Variants in SLC39A11 observed in about 807,000 individuals in gnomAD.
SLC39A11 encodes the protein zinc transporter ZIP11.
A neutral mutation model predicts 36.1 loss-of-function variants in SLC39A11; 33 were observed. The ratio of observed to expected loss-of-function variants is 0.91; its 90% CI spans 0.69 to 1.22. The LOEUF is 1.22. Among genes scored for constraint, SLC39A11 ranks in the 50% most tolerant of loss-of-function variants. The probability of loss-of-function intolerance (pLI) is 0.00; values close to 1 mark genes in which losing one functional copy is unlikely to be tolerated. For missense variants in SLC39A11, 432 were observed against 430.3 expected (o/e 1.00, Z -0.03); for synonymous variants, 166 against 170.3 (o/e 0.97, Z 0.20).
intron 4 of SLC39A11, among the ~76,000 whole-genome samples, chr17:72,975,166 C>T (rs1432201256): frequency 1.3e-5 from 2 of 152,016 alleles, no homozygotes; most frequent in African/African-American, 4.8e-5. Context: ...CTAGACCAGG[C>T]GGTGGCTCAC....
intron 5 of SLC39A11, among the ~76,000 whole-genome samples, chr17:72,901,366 G>A (rs547312463): frequency 5.3e-5 from 8 of 152,354 alleles, no homozygotes; most frequent in Admixed American, 1.3e-4. Context: ...AATTAGAGGC[G>A]TGGGTTGTGG....
intron 5 of SLC39A11, among the ~76,000 whole-genome samples, chr17:72,904,004 T>C (rs1327792209): frequency 6.6e-6 from 1 of 152,202 alleles, no homozygotes; most frequent in Non-Finnish European, 1.5e-5. Context: ...TCACTCCACA[T>C]GGGCCAGGCA....
chr17:73,029,211 C>T (rs368198596), intron 4 of SLC39A11, among the ~76,000 whole-genome samples: 133 of 152,052 alleles, frequency 8.7e-4, no homozygotes, highest in African/African-American at 2.7e-3. Flanking sequence ...GACAGCTGAC[C>T]AAATACATCT....
intron 5 of SLC39A11, among the ~76,000 whole-genome samples, chr17:72,858,544 G>C (rs183474143): frequency 6.6e-6 from 1 of 152,214 alleles, no homozygotes; most frequent in African/African-American, 2.4e-5. Context: ...GAATAGCATT[G>C]AATCTGTAAA....
intron 5 of SLC39A11, among the ~76,000 whole-genome samples, chr17:72,928,032 C>T (rs919417025): frequency 2.4e-4 from 36 of 152,138 alleles, no homozygotes; most frequent in African/African-American, 8.7e-4. Flanking sequence ...TCAAATAACA[C>T]TGATTGCTCC....
chr17:72,872,145 G>A (rs889091639), intron 5 of SLC39A11, among the ~76,000 whole-genome samples: 1 of 152,220 alleles, frequency 6.6e-6, no homozygotes, highest in Non-Finnish European at 1.5e-5. Context: ...CTGTCCCAGT[G>A]CCTGGGGAGG....
In SLC39A11 at chr17:72,825,708, G is replaced by T. The variant is rs141392025; in HGVS notation, c.601+23926C>A. Among the ~76,000 whole-genome samples, 99 of 152,382 alleles carry T rather than the reference G, an allele frequency of 6.5e-4. No homozygotes were observed. In the East Asian group the frequency reaches 0.017, roughly 26 times the overall value. On this transcript the variant is annotated intron_variant, in intron 6 of 9. Transcript: ENST00000255559. ...CCCTGGGATTCCACCCCTTGCATCA[G>T]TGTGGACTGGATGTGAGACATGGAG... is the stretch of plus-strand genomic sequence containing the variant.
chr17:72,910,159 A>G (rs1386680056), intron 5 of SLC39A11, among the ~76,000 whole-genome samples: 2 of 152,096 alleles, frequency 1.3e-5, no homozygotes, highest in East Asian at 3.9e-4. Context: ...GGCTGATATT[A>G]CGAAGAGGGG....
At chr17:72,803,830 AG>A (rs907791824) in intron 6 of SLC39A11, among the ~76,000 whole-genome samples, 1 of 152,174 alleles carries the variant, frequency 6.6e-6, no homozygotes, top group African/African-American at 2.4e-5. Context: ...AGGTGAGGGC[AG>A]AATTCAGGTA....
chr17:73,053,631 G>A (rs898801713), intron 3 of SLC39A11, among the ~76,000 whole-genome samples: 6 of 152,112 alleles, frequency 3.9e-5, no homozygotes, highest in South Asian at 2.1e-4. Flanking sequence ...TAACTAGCCC[G>A]AGCTCCCACA....
intron 5 of SLC39A11, among the ~76,000 whole-genome samples, chr17:72,882,715 T>C (rs1032718477): frequency 6.6e-6 from 1 of 152,116 alleles, no homozygotes; most frequent in Admixed American, 6.6e-5. Context: ...GCAAGGAAAG[T>C]AACACCTGAC....
At chr17:72,804,416 C>T (rs889736536) in intron 6 of SLC39A11, among the ~76,000 whole-genome samples, 31 of 152,070 alleles carry the variant, frequency 2.0e-4, no homozygotes, top group African/African-American at 7.5e-4. Flanking sequence ...CCACTCCCCA[C>T]CCAAGTAGAG....
chr17:72,889,898 G>A (rs1368642064), intron 5 of SLC39A11, among the ~76,000 whole-genome samples: 1 of 152,172 alleles, frequency 6.6e-6, no homozygotes, highest in Non-Finnish European at 1.5e-5. Context: ...AAGGAGCAAT[G>A]GACTCTGATC....
At chr17:72,740,935 C>T (rs1333224847) in intron 6 of SLC39A11, among the ~76,000 whole-genome samples, 3 of 151,972 alleles carry the variant, frequency 2.0e-5, no homozygotes, top group African/African-American at 7.2e-5. Flanking sequence ...CCACCATGCC[C>T]GGCTAATTTT....
intron 3 of SLC39A11, among the ~76,000 whole-genome samples, chr17:73,064,654 C>G (rs1469909335): frequency 1.3e-5 from 2 of 152,046 alleles, no homozygotes; most frequent in Admixed American, 6.5e-5. Context: ...AGGAAAGCAG[C>G]AGTATTGCAA....
At chr17:72,771,567 A>G (rs2144709790) in intron 6 of SLC39A11, among the ~76,000 whole-genome samples, 1 of 152,080 alleles carries the variant, frequency 6.6e-6, no homozygotes, top group Admixed American at 6.5e-5. Context: ...AGGATGGATT[A>G]CCTTTAAAGT....
chr17:72,794,404 T>C (rs985916895), intron 6 of SLC39A11, among the ~76,000 whole-genome samples: 1 of 152,096 alleles, frequency 6.6e-6, no homozygotes, highest in Non-Finnish European at 1.5e-5. Context: ...TCCCAGCCAA[T>C]CATTTTTCTA....
At chr17:72,789,187 A>C (rs1322025824) in intron 6 of SLC39A11, among the ~76,000 whole-genome samples, 1 of 152,116 alleles carries the variant, frequency 6.6e-6, no homozygotes, top group Non-Finnish European at 1.5e-5. Context: ...CGCGCACGCC[A>C]CCATGTCCGG....
chr17:72,698,744 C>T (rs1004934871), intron 7 of SLC39A11, among the ~76,000 whole-genome samples: 1 of 152,108 alleles, frequency 6.6e-6, no homozygotes, highest in South Asian at 2.1e-4. Context: ...TGGCATTATC[C>T]CCACGGTACA....
Sources: allele counts gnomAD v4.1 joint callset (sites outside exome capture counted in the v4.1 genomes callset), GRCh38; gene constraint gnomAD v4.1.1; transcripts MANE v1.5; gene names NCBI Gene and HGNC (gene_info 2026-07-23, HGNC 2026-07-21).